Variants in CHCHD3 observed in about 807,000 individuals in gnomAD.
CHCHD3 encodes coiled-coil-helix-coiled-coil-helix domain containing 3.
Under a neutral mutation model 38.2 loss-of-function variants are expected in CHCHD3, and 20 were observed. The ratio of observed to expected loss-of-function variants is 0.52; its 90% CI spans 0.37 to 0.76. The LOEUF is 0.76. Ranked by LOEUF, CHCHD3 falls within the 30% of genes least tolerant of loss-of-function variation. The pLI is 0.00. For missense variants in CHCHD3, 245 were observed against 279.2 expected (o/e 0.88, Z 0.87); for synonymous variants, 82 against 100.0 (o/e 0.82, Z 1.07).
intron 2 of CHCHD3, among the ~76,000 whole-genome samples, chr7:133,033,932 C>T (rs931050068): frequency 7.4e-6 from 1 of 134,424 alleles, no homozygotes; most frequent in African/African-American, 3.1e-5. Context: ...CAAATTGCAA[C>T]CTAAACACTC....
At chr7:132,837,027 G>GT (rs1367869276) in intron 6 of CHCHD3, among the ~76,000 whole-genome samples, 1 of 152,156 alleles carries the variant, frequency 6.6e-6, no homozygotes, top group Non-Finnish European at 1.5e-5. Context: ...ACAGAGCACA[G>GT]TTTTCCTTCT....
At chr7:132,900,191 G>T (rs1218677816) in intron 4 of CHCHD3, among the ~76,000 whole-genome samples, 1 of 15,520 alleles carries the variant, frequency 6.4e-5, no homozygotes, top group African/African-American at 3.0e-4. Flanking sequence ...GCTGCAAGGG[G>T]CCACTTTTCT....
chr7:132,833,065 T>C (rs761961438), intron 6 of CHCHD3, among the ~76,000 whole-genome samples: 1 of 152,246 alleles, frequency 6.6e-6, no homozygotes, highest in Non-Finnish European at 1.5e-5. Flanking sequence ...GTGCTAGGTC[T>C]GTGTTAAGAA....
chr7:132,973,256 C>T, intron 4 of CHCHD3: 3 of 985,306 alleles, frequency 3.0e-6, no homozygotes, highest in Non-Finnish European at 3.6e-6. Flanking sequence ...ATTCTTCTGC[C>T]CGCTGGAAAC....
chr7:132,835,187 G>A (rs1346843536), intron 6 of CHCHD3, among the ~76,000 whole-genome samples: 2 of 148,486 alleles, frequency 1.3e-5, no homozygotes, highest in Admixed American at 6.7e-5. Flanking sequence ...TCACCATGTT[G>A]GACAGGCTGG....
chr7:132,983,045 A>G (rs970111611), intron 3 of CHCHD3, among the ~76,000 whole-genome samples: 1 of 152,168 alleles, frequency 6.6e-6, no homozygotes, highest in African/African-American at 2.4e-5. Flanking sequence ...AAAATTGGCC[A>G]GGCGCGGCAG....
intron 5 of CHCHD3, among the ~76,000 whole-genome samples, chr7:132,839,555 G>A (rs1472904372): frequency 3.3e-5 from 5 of 152,210 alleles, no homozygotes; most frequent in South Asian, 2.1e-4. Flanking sequence ...ACCACAATAC[G>A]GTAGTCTATT....
At chr7:132,865,399 G>C (rs145980999) in intron 5 of CHCHD3, among the ~76,000 whole-genome samples, 1 of 152,120 alleles carries the variant, frequency 6.6e-6, no homozygotes, top group South Asian at 2.1e-4. Context: ...GTGGTGGTTG[G>C]GGGGAACACC....
At chr7:132,916,540 T>C (rs1219169126) in intron 4 of CHCHD3, among the ~76,000 whole-genome samples, 1 of 152,230 alleles carries the variant, frequency 6.6e-6, no homozygotes, top group Non-Finnish European at 1.5e-5. Context: ...TATATTGTTA[T>C]AATTGTTTTA....
intron 2 of CHCHD3, among the ~76,000 whole-genome samples, chr7:133,047,097 T>C (rs1451326216): frequency 6.6e-6 from 1 of 152,184 alleles, no homozygotes; most frequent in African/African-American, 2.4e-5. Context: ...GATATGCTAA[T>C]GTACAAAAGG....
At position 132,965,583 on chromosome 7, in the gene CHCHD3, T is replaced by A. The variant is rs574928748; in HGVS notation, c.369+9586A>T. 6.8e-4 allele frequency among the ~76,000 whole-genome samples: 103 copies of A among 152,340 alleles called. 2 individuals are homozygous for A. The highest frequency in any genetic ancestry group is 2.3e-3 in the African/African-American group (97 of 41,588). On this transcript the variant is annotated intron_variant, in intron 4 of 7. Coordinates refer to ENST00000262570, the MANE Select transcript of CHCHD3 (RefSeq NM_017812.4). ...ATGCCTTTGGGGCTCAGAGCTATGG[T>A]TCCAGGCAATGAGTTACCTGTGTTC... is the stretch of plus-strand genomic sequence containing the variant.
At chr7:132,963,155 A>ATAT (rs1554394785) in intron 4 of CHCHD3, among the ~76,000 whole-genome samples, 6 of 145,896 alleles carry the variant, frequency 4.1e-5, no homozygotes, top group Admixed American at 6.9e-5. Context: ...TAAAAAAAAA[A>ATAT]ATATATATAT....
At chr7:132,876,098 T>C (rs890034803) in intron 5 of CHCHD3, among the ~76,000 whole-genome samples, 4 of 152,224 alleles carry the variant, frequency 2.6e-5, no homozygotes, top group African/African-American at 4.8e-5. Flanking sequence ...TTAATATTCA[T>C]GTACTTTAAT....
At chr7:132,874,729 T>G (rs1418357630) in intron 5 of CHCHD3, among the ~76,000 whole-genome samples, 2 of 152,060 alleles carry the variant, frequency 1.3e-5, no homozygotes, top group Admixed American at 1.3e-4. Context: ...TTGCTCCCAA[T>G]TCTGAGGAGG....
intron 3 of CHCHD3, among the ~76,000 whole-genome samples, chr7:133,013,288 A>T (rs1260734317): frequency 6.6e-6 from 1 of 151,136 alleles, no homozygotes; most frequent in East Asian, 2.0e-4. Context: ...TGATCGAGTG[A>T]TGGTAAGTAT....
intron 5 of CHCHD3, among the ~76,000 whole-genome samples, chr7:132,841,420 A>G (rs1363341379): frequency 7.1e-6 from 1 of 140,150 alleles, no homozygotes; most frequent in Non-Finnish European, 1.6e-5. Flanking sequence ...AAAAACAAAC[A>G]ACAACAACAA....
At chr7:132,797,188 C>A (rs1403812471) in intron 6 of CHCHD3, among the ~76,000 whole-genome samples, 1 of 152,150 alleles carries the variant, frequency 6.6e-6, no homozygotes, top group Non-Finnish European at 1.5e-5. Flanking sequence ...GTGGCCTTCA[C>A]CCCCCAACCC....
chr7:132,989,445 T>TTA (rs1298318199), intron 3 of CHCHD3, among the ~76,000 whole-genome samples: 1 of 152,016 alleles, frequency 6.6e-6, no homozygotes, highest in African/African-American at 2.4e-5. Flanking sequence ...AGGACTATAA[T>TTA]TATGGATTAC....
intron 4 of CHCHD3, among the ~76,000 whole-genome samples, chr7:132,901,304 G>A (rs1809660192): frequency 6.6e-6 from 1 of 152,226 alleles, no homozygotes; most frequent in Non-Finnish European, 1.5e-5. Flanking sequence ...TCTTAGAAGG[G>A]AGCAATGGAA....
Sources: allele counts gnomAD v4.1 joint callset (sites outside exome capture counted in the v4.1 genomes callset), GRCh38; gene constraint gnomAD v4.1.1; transcripts MANE v1.5; gene names NCBI Gene and HGNC (gene_info 2026-07-23, HGNC 2026-07-21).